CADM2: variants seen among roughly 807,000 people sequenced by gnomAD.
CADM2 encodes cell adhesion molecule 2.
CADM2 carries 12 observed loss-of-function variants against 49.8 expected under a neutral mutation model. The ratio of observed to expected loss-of-function variants is 0.24; its 90% CI spans 0.15 to 0.39. The LOEUF is 0.39. Among genes scored for constraint, CADM2 ranks in the 10% least tolerant of loss-of-function variants. The pLI is 1.00. For missense variants in CADM2, 378 were observed against 492.3 expected (o/e 0.77, Z 2.20); for synonymous variants, 214 against 175.4 (o/e 1.22, Z -1.74).
chr3:85,930,150 C>A (rs957986500), intron 6 of CADM2, among the ~76,000 whole-genome samples: 1 of 151,924 alleles, frequency 6.6e-6, no homozygotes, highest in African/African-American at 2.4e-5. Context: ...CTACCTCTGC[C>A]AAAATCAGAT....
At chr3:85,596,289 A>G (rs1326659583) in intron 1 of CADM2, among the ~76,000 whole-genome samples, 1 of 151,974 alleles carries the variant, frequency 6.6e-6, no homozygotes, top group Non-Finnish European at 1.5e-5. Flanking sequence ...AATTACTAAT[A>G]TACAAAATCA....
intron 3 of CADM2, among the ~76,000 whole-genome samples, chr3:85,837,528 T>C (rs1559692671): frequency 6.6e-6 from 1 of 151,656 alleles, no homozygotes; most frequent in Non-Finnish European, 1.5e-5. Flanking sequence ...AAAGACACTT[T>C]GTACAAAGTG....
chr3:85,011,613 T>C (rs970832606), intron 1 of CADM2, among the ~76,000 whole-genome samples: 4 of 152,184 alleles, frequency 2.6e-5, no homozygotes, highest in African/African-American at 9.7e-5. Flanking sequence ...AATTTAGCAA[T>C]CTTTTATCAA....
chr3:85,543,288 C>T (rs2061587026), intron 1 of CADM2, among the ~76,000 whole-genome samples: 1 of 146,766 alleles, frequency 6.8e-6, no homozygotes. Flanking sequence ...AGAGTCTTGC[C>T]CCGTCGCCCA....
intron 2 of CADM2, among the ~76,000 whole-genome samples, chr3:85,733,806 A>ATTT (rs2068027472): frequency 6.6e-6 from 1 of 152,274 alleles, no homozygotes; most frequent in East Asian, 1.9e-4. Context: ...TCTCATCTGA[A>ATTT]AGGCAAGATC....
chr3:85,587,752 C>A (rs1043208729), intron 1 of CADM2, among the ~76,000 whole-genome samples: 25 of 151,850 alleles, frequency 1.6e-4, no homozygotes, highest in African/African-American at 5.8e-4. Flanking sequence ...AGTTCAATGA[C>A]ATTTTTTTTT....
intron 1 of CADM2, among the ~76,000 whole-genome samples, chr3:85,259,344 GA>G (rs1157347869): frequency 6.6e-6 from 1 of 151,924 alleles, no homozygotes; most frequent in Non-Finnish European, 1.5e-5. Context: ...TAATTTAGAA[GA>G]TTTTTATTGC....
intron 1 of CADM2, among the ~76,000 whole-genome samples, chr3:85,666,070 A>T (rs2065556895): frequency 6.6e-6 from 1 of 152,034 alleles, no homozygotes; most frequent in Non-Finnish European, 1.5e-5. Context: ...AATGTGCAAA[A>T]ATCACGAGCA....
intron 1 of CADM2, among the ~76,000 whole-genome samples, chr3:85,213,572 G>T (rs2041854010): frequency 1.3e-5 from 2 of 152,022 alleles, no homozygotes; most frequent in South Asian, 2.1e-4. Flanking sequence ...TCTGCTAAGT[G>T]GTCTATAACC....
At chr3:85,503,861 C>A (rs1305708127) in intron 1 of CADM2, among the ~76,000 whole-genome samples, 1 of 152,194 alleles carries the variant, frequency 6.6e-6, no homozygotes, top group African/African-American at 2.4e-5. Flanking sequence ...GTCTTTTCTG[C>A]ATTTCATTAA....
At chr3:86,041,739 C>A (rs915340021) in intron 8 of CADM2, among the ~76,000 whole-genome samples, 1 of 152,184 alleles carries the variant, frequency 6.6e-6, no homozygotes, top group Admixed American at 6.5e-5. Flanking sequence ...ACATAATAGA[C>A]ATCTACAGAA....
At chr3:85,951,277 C>A (rs1256494944) in intron 7 of CADM2, among the ~76,000 whole-genome samples, 1 of 151,074 alleles carries the variant, frequency 6.6e-6, no homozygotes, top group Non-Finnish European at 1.5e-5. Flanking sequence ...TTCTCACACA[C>A]AAATGCACAA....
At chr3:85,818,185 G>C (rs1259728452) in intron 3 of CADM2, among the ~76,000 whole-genome samples, 1 of 152,068 alleles carries the variant, frequency 6.6e-6, no homozygotes, top group Non-Finnish European at 1.5e-5. Context: ...TTCTAATTTG[G>C]AGATTCAATG....
intron 1 of CADM2, among the ~76,000 whole-genome samples, chr3:85,559,266 A>T (rs146608009): frequency 1.5e-3 from 230 of 152,196 alleles, no homozygotes; most frequent in Non-Finnish European, 2.8e-3. Flanking sequence ...TAATATTTTC[A>T]TCTTAATATA....
At chr3:85,748,053 C>A (rs1017569411) in intron 2 of CADM2, among the ~76,000 whole-genome samples, 1 of 151,984 alleles carries the variant, frequency 6.6e-6, no homozygotes, top group Non-Finnish European at 1.5e-5. Context: ...TATAAAACAT[C>A]CTTTCAATAT....
chr3:85,983,707 A>T (rs1195899640), intron 8 of CADM2, among the ~76,000 whole-genome samples: 1 of 151,622 alleles, frequency 6.6e-6, no homozygotes, highest in Non-Finnish European at 1.5e-5. Context: ...TTTCATTTCA[A>T]TTCTATTTTT....
At chr3:85,791,535 AGAGAGAGAAAGAG>A (rs2108032473) in intron 2 of CADM2, among the ~76,000 whole-genome samples, 1 of 144,926 alleles carries the variant, frequency 6.9e-6, no homozygotes, top group Admixed American at 7.0e-5. Context: ...AGAGAGAGAG[AGAGAGAGAAAGAG>A]AGAGAGAGAG....
intron 1 of CADM2, among the ~76,000 whole-genome samples, chr3:85,653,336 T>C (rs1420197878): frequency 6.8e-6 from 1 of 146,496 alleles, no homozygotes; most frequent in African/African-American, 2.6e-5. Context: ...TGACAGGTGA[T>C]AGCATCCTAG....
intron 1 of CADM2, among the ~76,000 whole-genome samples, chr3:85,338,162 G>A (rs185900434): frequency 6.6e-6 from 1 of 151,566 alleles, no homozygotes; most frequent in African/African-American, 2.4e-5. Flanking sequence ...CATAGAAGAT[G>A]TGTGTGCCTC....
Sources: gnomAD v4.1 joint callset for allele counts (sites outside exome capture counted in the v4.1 genomes callset) on GRCh38, gnomAD v4.1.1 for gene constraint, MANE v1.5 for transcripts, NCBI Gene and HGNC (gene_info 2026-07-23, HGNC 2026-07-21) for gene names.